The following RARB variants were observed in gnomAD, a reference collection of about 807,000 sequenced individuals.
The protein encoded by RARB is retinoic acid receptor beta, also known as HBV-activated protein.
Under a neutral mutation model 51.9 loss-of-function variants are expected in RARB, and 17 were observed. The ratio of observed to expected loss-of-function variants is 0.33; its 90% CI spans 0.22 to 0.49. The LOEUF is 0.49. RARB is among the 20% of genes least tolerant of loss of function. The pLI, the probability that RARB is intolerant of heterozygous loss-of-function variation, is 0.99. For synonymous variants in RARB, 215 were observed against 195.4 expected, an observed-to-expected ratio of 1.10 and a Z score of -0.84; for missense variants, 369 against 550.8, an observed-to-expected ratio of 0.67 and a Z score of 3.30.
At chr3:25,386,562 G>A (rs934713905) in intron 5 of RARB, among the ~76,000 whole-genome samples, 2 of 152,226 alleles carry the variant, frequency 1.3e-5, no homozygotes, top group African/African-American at 2.4e-5. Context: ...TGAGATGAAA[G>A]TATCCTGGAT....
chr3:25,423,404 T>G (rs1321495271), upstream of RARB, among the ~76,000 whole-genome samples: 4 of 152,270 alleles, frequency 2.6e-5, no homozygotes, highest in African/African-American at 9.6e-5. Flanking sequence ...TAGTTCTATA[T>G]GTATTATTTA....
At chr3:25,411,340 A>G (rs1707556454) in intron 5 of RARB, among the ~76,000 whole-genome samples, 1 of 152,230 alleles carries the variant, frequency 6.6e-6, no homozygotes, top group South Asian at 2.1e-4. Flanking sequence ...ATGAAATGAT[A>G]AAAACAACTC....
intron 5 of RARB, among the ~76,000 whole-genome samples, chr3:25,223,059 C>T (rs1377190961): frequency 6.6e-6 from 1 of 152,016 alleles, no homozygotes; most frequent in Non-Finnish European, 1.5e-5. Context: ...AAACTTTACC[C>T]TGTGTGAATA....
intron 2 of RARB, among the ~76,000 whole-genome samples, chr3:24,995,606 G>C (rs1029277189): frequency 6.6e-6 from 1 of 152,026 alleles, no homozygotes; most frequent in Non-Finnish European, 1.5e-5. Flanking sequence ...CTGTGGGTTT[G>C]TCATATATGG....
At chr3:25,362,178 T>C (rs1705961788) in intron 5 of RARB, among the ~76,000 whole-genome samples, 2 of 152,342 alleles carry the variant, frequency 1.3e-5, no homozygotes, top group African/African-American at 4.8e-5. Flanking sequence ...CTTTCAGTAA[T>C]GCCCTGCCCA....
intron 1 of RARB, among the ~76,000 whole-genome samples, chr3:25,435,426 G>A (rs948616296): frequency 6.6e-6 from 1 of 152,078 alleles, no homozygotes; most frequent in East Asian, 1.9e-4. Flanking sequence ...AGCTTTCAAC[G>A]GCTACAGTAC....
chr3:25,040,792 A>T (rs1470927356), intron 2 of RARB, among the ~76,000 whole-genome samples: 5 of 152,184 alleles, frequency 3.3e-5, no homozygotes, highest in African/African-American at 1.2e-4. Flanking sequence ...AGAACATTTT[A>T]TGTTAATTAC....
chr3:25,435,979 A>C (rs1369371274), intron 1 of RARB, among the ~76,000 whole-genome samples: 1 of 152,224 alleles, frequency 6.6e-6, no homozygotes, highest in Admixed American at 6.5e-5. Flanking sequence ...TGAAAAATGT[A>C]GCTAGACACA....
At chr3:25,563,947 CTTTTTT>C (rs58611383) in intron 3 of RARB, among the ~76,000 whole-genome samples, 1 of 137,010 alleles carries the variant, frequency 7.3e-6, no homozygotes, top group African/African-American at 2.7e-5. Flanking sequence ...TTGTATTTTC[CTTTTTT>C]TTTTTTTTTT....
intron 4 of RARB, among the ~76,000 whole-genome samples, chr3:25,571,015 A>T (rs1575529477): frequency 6.6e-6 from 1 of 151,654 alleles, no homozygotes; most frequent in South Asian, 2.1e-4. Context: ...GTGCGCTAGG[A>T]TGTTGGTGGT....
chr3:25,266,900 G>A (rs928605161), intron 5 of RARB, among the ~76,000 whole-genome samples: 3 of 152,180 alleles, frequency 2.0e-5, no homozygotes, highest in Admixed American at 2.0e-4. Context: ...CCTGAAAAAT[G>A]AGAAATACAT....
intron 5 of RARB, among the ~76,000 whole-genome samples, chr3:25,270,654 A>G (rs1193211980): frequency 3.9e-5 from 6 of 152,182 alleles, no homozygotes; most frequent in Non-Finnish European, 5.9e-5. Context: ...CTGATAATTA[A>G]TACCTGGGTA....
At chr3:24,853,998 T>A (rs947769416) in intron 1 of RARB, among the ~76,000 whole-genome samples, 1 of 152,224 alleles carries the variant, frequency 6.6e-6, no homozygotes, top group Non-Finnish European at 1.5e-5. Flanking sequence ...ATTGAAGAAC[T>A]AAGTGTGTGT....
intron 2 of RARB, among the ~76,000 whole-genome samples, chr3:24,863,305 T>C (rs541738483): frequency 6.6e-6 from 1 of 152,310 alleles, no homozygotes; most frequent in African/African-American, 2.4e-5. Flanking sequence ...AGATGCTTTG[T>C]TTATAACCAG....
chr3:25,463,441 G>A (rs2125558288), intron 2 of RARB, among the ~76,000 whole-genome samples: 1 of 152,196 alleles, frequency 6.6e-6, no homozygotes, highest in Non-Finnish European at 1.5e-5. Flanking sequence ...AAGGCAGGCA[G>A]ATCACGAAGT....
intron 5 of RARB, among the ~76,000 whole-genome samples, chr3:25,310,646 T>C (rs1040179385): frequency 1.3e-5 from 2 of 152,204 alleles, no homozygotes; most frequent in Non-Finnish European, 2.9e-5. Flanking sequence ...AGTGCTACTT[T>C]GACCACTCAT....
In RARB at chr3:25,583,102, G is replaced by A. The variant is rs1464884898; in HGVS notation, c.786+2380G>A. Among the ~76,000 whole-genome samples, 6 of 152,226 alleles carry A rather than the reference G, an allele frequency of 3.9e-5. No individual in the cohort carries two copies. In the East Asian group the frequency reaches 7.7e-4, roughly 20 times the overall value. On this transcript the variant is annotated intron_variant, in intron 5 of 7. Coordinates refer to ENST00000330688, the MANE Select transcript of RARB (RefSeq NM_000965.5). Reference sequence around the variant, plus strand: ...AATAGGCCAGGGAGGAAAATGTCCCGATAGTTAAAGGGCAAAGACCTCCAA... The same window carrying A: ...AATAGGCCAGGGAGGAAAATGTCCCAATAGTTAAAGGGCAAAGACCTCCAA...
At chr3:25,543,958 G>A (rs534010195) in intron 3 of RARB, among the ~76,000 whole-genome samples, 20 of 152,264 alleles carry the variant, frequency 1.3e-4, no homozygotes, top group South Asian at 8.3e-4. Flanking sequence ...TGAAAAATGT[G>A]TGTAATCATG....
At chr3:25,249,186 G>A (rs533919998) in intron 5 of RARB, among the ~76,000 whole-genome samples, 24 of 151,762 alleles carry the variant, frequency 1.6e-4, no homozygotes, top group Admixed American at 4.6e-4. Flanking sequence ...TTCAAGTTCC[G>A]AAATTCTTTT....
Sources: gnomAD v4.1 joint callset for allele counts (sites outside exome capture counted in the v4.1 genomes callset) on GRCh38, gnomAD v4.1.1 for gene constraint, MANE v1.5 for transcripts, NCBI Gene and HGNC (gene_info 2026-07-23, HGNC 2026-07-21) for gene names.